IL19: variants seen among roughly 807,000 people sequenced by gnomAD.
IL19 encodes interleukin 19.
IL19 carries 15 observed loss-of-function variants against 19.5 expected under a neutral mutation model. The observed-to-expected ratio is 0.77, with a 90% CI of 0.52 to 1.19. The LOEUF is 1.19. Among genes scored for constraint, IL19 ranks in the 50% most tolerant of loss-of-function variants. The pLI, the probability that IL19 is intolerant of heterozygous loss-of-function variation, is 0.00. For synonymous variants in IL19, 78 were observed against 78.3 expected, an observed-to-expected ratio of 1.00 and a Z score of 0.02; for missense variants, 199 against 213.1, an observed-to-expected ratio of 0.93 and a Z score of 0.41.
chr1:206,838,260 G>C (rs1676866172), intron 4 of IL19, among the ~76,000 whole-genome samples: 1 of 152,210 alleles, frequency 6.6e-6, no homozygotes, highest in Non-Finnish European at 1.5e-5. Flanking sequence ...GCCCATGAGA[G>C]ATGCCTTTAA....
chr1:206,842,216 GA>G (rs1366134158), intron 6 of IL19, among the ~76,000 whole-genome samples: 2 of 151,978 alleles, frequency 1.3e-5, no homozygotes, highest in African/African-American at 4.8e-5. Context: ...AAAATCAGCG[GA>G]ACTGGCCAGT....
intron 1 of IL19, among the ~76,000 whole-genome samples, chr1:206,773,002 T>A (rs3024488): frequency 6.6e-6 from 1 of 152,184 alleles, no homozygotes; most frequent in Non-Finnish European, 1.5e-5. Flanking sequence ...GTGGGCTAAA[T>A]ATCCTCAAAG....
chr1:206,815,154 C>G (rs1420722073), intron 2 of IL19, among the ~76,000 whole-genome samples: 1 of 152,170 alleles, frequency 6.6e-6, no homozygotes, highest in Admixed American at 6.5e-5. Context: ...GAACCTCCTT[C>G]CCATGTGAGT....
intron 2 of IL19, among the ~76,000 whole-genome samples, chr1:206,827,607 A>T (rs4240849): frequency 1.3e-5 from 2 of 151,264 alleles, no homozygotes; most frequent in African/African-American, 4.9e-5. Flanking sequence ...GGAGAATGGC[A>T]TGAACCCCGG....
At chr1:206,794,242 T>C (rs1212575023) in intron 1 of IL19, among the ~76,000 whole-genome samples, 2 of 152,208 alleles carry the variant, frequency 1.3e-5, no homozygotes, top group Non-Finnish European at 2.9e-5. Flanking sequence ...GAAATAAAGA[T>C]ACTGCTGCTC....
intron 2 of IL19, among the ~76,000 whole-genome samples, chr1:206,814,223 G>C (rs1040016635): frequency 1.3e-5 from 2 of 151,982 alleles, no homozygotes; most frequent in Non-Finnish European, 2.9e-5. Context: ...CCTATACTAA[G>C]TGTAAGTTTG....
chr1:206,832,713 G>T (rs1676650114), intron 2 of IL19, among the ~76,000 whole-genome samples: 2 of 152,118 alleles, frequency 1.3e-5, no homozygotes, highest in Non-Finnish European at 1.5e-5. Flanking sequence ...GAGAGCTGTG[G>T]CATGCTACCA....
intron 6 of IL19, 95 bp downstream of exon 6, chr1:206,841,173 T>C (rs968811683): frequency 7.6e-6 from 7 of 924,484 alleles, no homozygotes; most frequent in Non-Finnish European, 1.1e-5. Flanking sequence ...AATTCATGCA[T>C]TCACTCTATA....
chr1:206,802,310 T>C (rs1361658300), intron 2 of IL19, among the ~76,000 whole-genome samples: 40 of 152,202 alleles, frequency 2.6e-4, no homozygotes, highest in Admixed American at 2.6e-3. Flanking sequence ...AGTAAGTCAG[T>C]AGGTTGTGAG....
In IL19 at chr1:206,815,014, A is replaced by G. The variant is rs189954784; in HGVS notation, c.-3+16008A>G. ...ACAATCTGGGCAGGGCTCAGTACAG[A>G]TAGGTCATTTCTGTTCCATATAATT... On this transcript the variant is annotated intron_variant, in intron 2 of 6. Coordinates refer to ENST00000659997, the MANE Select transcript of IL19 (RefSeq NM_153758.5). 2.2e-4 allele frequency among the ~76,000 whole-genome samples: 34 copies of G among 152,316 alleles called. 1 individual carries two copies. Among genetic ancestry groups the G allele is most frequent in the Non-Finnish European group, 4.0e-4 (27 of 68,026 alleles).
At chr1:206,780,705 G>C (rs965956105) in intron 1 of IL19, among the ~76,000 whole-genome samples, 9 of 152,200 alleles carry the variant, frequency 5.9e-5, no homozygotes, top group African/African-American at 2.2e-4. Context: ...CCAGGTCCTA[G>C]AGGTAGTTAA....
At chr1:206,791,227 T>C (rs962399180) in intron 1 of IL19, among the ~76,000 whole-genome samples, 1 of 151,782 alleles carries the variant, frequency 6.6e-6, no homozygotes, top group Non-Finnish European at 1.5e-5. Flanking sequence ...TGGAAAGTCA[T>C]TTGTTCATTA....
intron 2 of IL19, among the ~76,000 whole-genome samples, chr1:206,835,138 G>A (rs1267018132): frequency 1.3e-5 from 2 of 152,156 alleles, no homozygotes; most frequent in Non-Finnish European, 2.9e-5. Flanking sequence ...CACAAAATGC[G>A]CAAGTCTCCT....
rs867226419 is a variant in IL19, at chr1:206,770,856, A to C, written c.-371A>C. 3 of 1,565,376 alleles carry C rather than the reference A, an allele frequency of 1.9e-6. No homozygotes were observed. The highest frequency in any genetic ancestry group is 1.7e-4 in the Middle Eastern group (1 of 5,968). ...GTGAGTGTCCCTGCTGGTCTGTAGG[A>C]GATGGTATTTTGGGGGCAGCTGCAA... On this transcript the variant is annotated 5_prime_UTR_variant, in exon 1 of 7. Transcript: ENST00000659997.
At chr1:206,786,406 T>C (rs777690697) in intron 1 of IL19, among the ~76,000 whole-genome samples, 3 of 152,112 alleles carry the variant, frequency 2.0e-5, no homozygotes, top group African/African-American at 4.8e-5. Context: ...CATCCAAAGA[T>C]TGGTGCAAGT....
At position 206,836,673 on chromosome 1, in the gene IL19, AGT is replaced by A; in HGVS notation, c.16_17del (p.Val6PhefsTer45). 1 of 1,607,458 alleles carries A rather than the reference AGT, an allele frequency of 6.2e-7. No homozygotes were observed. On this transcript the variant is annotated frameshift_variant, in exon 3 of 7. Transcript: ENST00000659997. LOFTEE classifies it high-confidence loss of function. ...CTCCTTTCTGCAGGCATGAAGTTAC[AGT>A]GTGTTTCCCTTTGGCTCCTGGGTAC... is the stretch of plus-strand genomic sequence containing the variant.
intron 1 of IL19, chr1:206,771,410 C>G (rs1457100580): frequency 6.2e-7 from 1 of 1,608,402 alleles, no homozygotes; most frequent in Admixed American, 1.7e-5. Context: ...GCTGATCCTT[C>G]ATTTGCTGCA....
chr1:206,781,013 C>T (rs1048712688), intron 1 of IL19, among the ~76,000 whole-genome samples: 10 of 152,042 alleles, frequency 6.6e-5, no homozygotes, highest in African/African-American at 2.2e-4. Context: ...AAGATTTCTG[C>T]CTTGGAGTGT....
rs569399482 is a variant in IL19 at position 206,771,095 on chromosome 1, C to A, written c.-149+17C>A. The A allele has an allele frequency of 2.5e-6, 4 of 1,612,476 alleles. No individual in the cohort carries two copies. The highest frequency in any genetic ancestry group is 1.7e-5 in the Admixed American group (1 of 59,978). Reference sequence around the variant, plus strand: ...GAGCCAAAGGTGAGTGAGAGATTGGCGGAGGTGGCTGGGAGGAGGGGCTGC... The same window carrying A: ...GAGCCAAAGGTGAGTGAGAGATTGGAGGAGGTGGCTGGGAGGAGGGGCTGC... On this transcript the variant is annotated intron_variant, in intron 1 of 6. Transcript: ENST00000659997.
Sources: gnomAD v4.1 joint callset for allele counts (sites outside exome capture counted in the v4.1 genomes callset) on GRCh38, gnomAD v4.1.1 for gene constraint, MANE v1.5 for transcripts, NCBI Gene and HGNC (gene_info 2026-07-23, HGNC 2026-07-21) for gene names.